CAMSAP3: variants seen among roughly 807,000 people sequenced by gnomAD.
CAMSAP3 encodes the protein calmodulin-regulated spectrin-associated protein 3.
Under a neutral mutation model 112.5 loss-of-function variants are expected in CAMSAP3, and 34 were observed. That is an observed-to-expected ratio of 0.30 (90% CI 0.23 to 0.40). CAMSAP3 has a LOEUF of 0.40. CAMSAP3 is among the 10% of genes least tolerant of loss of function. The pLI is 1.00. For synonymous variants in CAMSAP3, 868 were observed against 799.8 expected (o/e 1.09, Z -1.44); for missense variants, 1,602 against 1,770.3 (o/e 0.90, Z 1.71).
Position 7,611,432 on chromosome 19 carries a change from C to T in CAMSAP3, c.1124-85C>T, listed in dbSNP as rs1321660991. 5.3e-6 allele frequency: 7 copies of T among 1,321,070 alleles called. No individual in the cohort carries two copies. The African/African-American group carries it at 8.9e-5, about 17-fold the overall frequency. 81.8% of individuals were successfully genotyped at this position (1,321,070 alleles called of 1,614,324 possible). ...GAGCCATCAGTGACTCACCCAATGA[C>T]CTTGCAGAGGTTGTCCCCAGATGCT... is the stretch of plus-strand genomic sequence containing the variant. On this transcript the variant is annotated intron_variant, in intron 9 of 16. Coordinates refer to ENST00000160298, the MANE Select transcript of CAMSAP3 (RefSeq NM_020902.2). This position sits in a 1 kb window ranked among gnomAD's most constrained non-coding sequence, Gnocchi z 6.9.
Position 7,611,830 on chromosome 19 carries a change from C to T in CAMSAP3, c.1337C>T (p.Pro446Leu), listed in dbSNP as rs563565082. Residue 446 changes from proline (P) to leucine (L), a missense_variant, in exon 11 of 17, where the codon CCC becomes CTC. By Grantham distance (98) the Pro-to-Leu change is moderately conservative. This residue lies in a region of CAMSAP3 where 1,100 missense variants were observed against 1,135.7 expected (regional missense o/e 0.97). Coordinates refer to ENST00000160298, the MANE Select transcript of CAMSAP3 (RefSeq NM_020902.2). This position sits in a 1 kb window ranked among gnomAD's most constrained non-coding sequence, Gnocchi z 6.9. ...GPPRPAPARTPTQPPPEPGDL... is the reference protein window; with the variant it reads ...GPPRPAPARTLTQPPPEPGDL... The stretch of plus-strand genomic sequence containing the variant: ...CCGCGTCCCGCGCCGGCCAGGACCC[C>T]CACCCAGCCACCCCCGGAGCCTGGT... The T allele has an allele frequency of 3.2e-5, 51 of 1,582,302 alleles. No individual in the cohort carries two copies. The highest frequency in any genetic ancestry group is 3.4e-4 in the Middle Eastern group (2 of 5,912).
At chr19:7,616,435 T>C in intron 13 of CAMSAP3, 88 bp from the exon 14 acceptor site, 1 of 962,878 alleles carries the variant, frequency 1.0e-6, no homozygotes, top group South Asian at 1.3e-5. Flanking sequence ...GACTGACTCC[T>C]CCTGTGTTCC....
At chr19:7,603,234 A>G (rs931367081) in intron 1 of CAMSAP3, among the ~76,000 whole-genome samples, 1 of 148,150 alleles carries the variant, frequency 6.7e-6, no homozygotes, top group Admixed American at 6.8e-5. Context: ...TTTTTTTTTA[A>G]GACAGAGGCT....
rs182723786 is a variant in CAMSAP3, at chr19:7,610,164, A to G, written c.761-312A>G. ...AAACCCCATCTCTACTAAAACCACAAAAAATTAGCCTGGTGTTGTGGCACA... is the reference window on the plus strand; with the variant it reads ...AAACCCCATCTCTACTAAAACCACAGAAAATTAGCCTGGTGTTGTGGCACA... On this transcript the variant is annotated intron_variant, in intron 5 of 16. Coordinates refer to ENST00000160298, the MANE Select transcript of CAMSAP3 (RefSeq NM_020902.2). This position sits in a 1 kb window ranked among gnomAD's most constrained non-coding sequence, Gnocchi z 4.9. Among the ~76,000 whole-genome samples the G allele has an allele frequency of 3.3e-5, 5 of 151,948 alleles. No individual in the cohort carries two copies. In the East Asian group the frequency reaches 7.7e-4, roughly 24 times the overall value.
In CAMSAP3 at chr19:7,612,089, T is replaced by G. The variant is rs1461352839; in HGVS notation, c.1596T>G (p.Cys532Trp). ...HPETPSKPSP[C>W]LVGEASKPPA... is the part of the protein sequence containing the mutation. ...AGACCCCCTCGAAACCATCTCCCTG[T>G]CTGGTGGGGGAGGCATCGAAACCGC... Residue 532 changes from cysteine to tryptophan, a missense_variant, in exon 11 of 17, where the codon TGT (cysteine) becomes TGG (tryptophan). Coordinates refer to ENST00000160298, the MANE Select transcript of CAMSAP3 (RefSeq NM_020902.2). The G allele has an allele frequency of 6.2e-7, 1 of 1,608,680 alleles. No homozygotes were observed. Among genetic ancestry groups the G allele is most frequent in the Non-Finnish European group, 8.5e-7 (1 of 1,176,580 alleles).
In CAMSAP3 at chr19:7,611,825, G is replaced by A. The variant is rs1397385954; in HGVS notation, c.1332G>A (p.Arg444=). Residue 444 remains arginine, a synonymous_variant, in exon 11 of 17, where the codon AGG becomes AGA. Transcript: ENST00000160298. The surrounding 1 kb of genome is among the most constrained non-coding windows in gnomAD (Gnocchi z 6.9). ...SLGPPRPAPA[R]TPTQPPPEPG... The stretch of plus-strand genomic sequence containing the variant: ...GCCCCCCGCGTCCCGCGCCGGCCAG[G>A]ACCCCCACCCAGCCACCCCCGGAGC... 3 of 1,588,212 alleles carry A rather than the reference G, an allele frequency of 1.9e-6. No individual in the cohort carries two copies. The highest frequency in any genetic ancestry group is 2.6e-6 in the Non-Finnish European group (3 of 1,167,668).
rs1454165108 is a variant in CAMSAP3 at position 7,607,195 on chromosome 19, C to T, written c.621+624C>T. On this transcript the variant is annotated intron_variant, in intron 4 of 16. Transcript: ENST00000160298. This position sits in a 1 kb window ranked among gnomAD's most constrained non-coding sequence, Gnocchi z 4.9. ...GGGGGGACCTGCAGCCCATCACAAA[C>T]GTGGATCCTGACCCTAGCAGGCAGG... Among the ~76,000 whole-genome samples the T allele has an allele frequency of 6.6e-6, 1 of 152,148 alleles. No homozygotes were observed. The highest frequency in any genetic ancestry group is 2.4e-5 in the African/African-American group (1 of 41,438).
Position 7,610,819 on chromosome 19 carries a change from G to T in CAMSAP3, c.994+26G>T, listed in dbSNP as rs756955497. The stretch of plus-strand genomic sequence containing the variant: ...GTGAGGCCCTGGGGGCCTGGGGGCC[G>T]GGTCGGGGGCGGGTGGGAGAGCCAA... On this transcript the variant is annotated intron_variant, in intron 7 of 16. Coordinates refer to ENST00000160298, the MANE Select transcript of CAMSAP3 (RefSeq NM_020902.2). This position sits in a 1 kb window ranked among gnomAD's most constrained non-coding sequence, Gnocchi z 4.9. The T allele has an allele frequency of 6.2e-7, 1 of 1,611,148 alleles. No individual in the cohort carries two copies. The highest frequency in any genetic ancestry group is 8.5e-7 in the Non-Finnish European group (1 of 1,179,572).
chr19:7,618,001 C>T lies in CAMSAP3; in HGVS notation c.3694C>T (p.Leu1232Phe), dbSNP rs747512907. ...SVDAFTIQGH[L>F]WQGKKPTTPK... Reference sequence around the variant, plus strand: ...CGATGCCTTCACCATCCAGGGACACCTCTGGCAGGGCAAGAAACCCACCAC... The same window carrying T: ...CGATGCCTTCACCATCCAGGGACACTTCTGGCAGGGCAAGAAACCCACCAC... Residue 1232 changes from leucine (L) to phenylalanine (F), a missense_variant, in exon 17 of 17, where the codon CTC becomes TTC. Leu to Phe is a conservative substitution (Grantham distance 22). Coordinates refer to ENST00000160298, the MANE Select transcript of CAMSAP3 (RefSeq NM_020902.2). 20 of 1,614,032 alleles carry T rather than the reference C, an allele frequency of 1.2e-5. No individual in the cohort carries two copies. The highest frequency in any genetic ancestry group is 3.3e-4 in the Middle Eastern group (2 of 6,082).
chr19:7,612,870 C>T lies in CAMSAP3; in HGVS notation c.2377C>T (p.Pro793Ser). 6.2e-7 allele frequency: 1 copy of T among 1,604,824 alleles called. No individual in the cohort carries two copies. The highest frequency in any genetic ancestry group is 8.5e-7 in the Non-Finnish European group (1 of 1,177,598). ...GCGGCCAGCGGAGCTGCGGCTGGCA[C>T]CCTTGACCAGGGTGCTTACGCCACC... The part of the protein sequence containing the change: ...HTRPAELRLA[P>S]LTRVLTPPHD... Residue 793 changes from proline (P) to serine (S), a missense_variant, in exon 11 of 17, where the codon CCC becomes TCC. Coordinates refer to ENST00000160298, the MANE Select transcript of CAMSAP3 (RefSeq NM_020902.2).
chr19:7,601,320 CT>C (rs146267016), intron 1 of CAMSAP3, among the ~76,000 whole-genome samples: 8,970 of 149,846 alleles, frequency 0.06, 353 homozygotes, highest in Admixed American at 0.088. Context: ...CATTATATTT[CT>C]TTTTTTTTTC....
In CAMSAP3 at chr19:7,596,012, G is replaced by GAC; in HGVS notation, c.10_11insAC (p.Ala4AspfsTer15). The GAC allele has an allele frequency of 8.7e-7, 1 of 1,143,014 alleles. No individual in the cohort carries two copies. The highest frequency in any genetic ancestry group is 1.1e-6 in the Non-Finnish European group (1 of 915,868). 70.8% of individuals were successfully genotyped at this position (1,143,014 alleles called of 1,614,324 possible). Reference sequence around the variant, plus strand: ...CAGCCCCGGCGCCGCCATGGTGGAGGCGGCGCCCCCCGGGCCCGGGCCGCT... The same window carrying GAC: ...CAGCCCCGGCGCCGCCATGGTGGAGGACCGGCGCCCCCCGGGCCCGGGCCGCT... On this transcript the variant is annotated frameshift_variant, in exon 1 of 17. Coordinates refer to ENST00000160298, the MANE Select transcript of CAMSAP3 (RefSeq NM_020902.2). LOFTEE classifies it high-confidence loss of function.
Position 7,611,508 on chromosome 19 carries a change from C to G in CAMSAP3, c.1124-9C>G. 6.2e-7 allele frequency: 1 copy of G among 1,605,150 alleles called. No individual in the cohort carries two copies. On this transcript the variant is annotated splice_polypyrimidine_tract_variant and intron_variant, in intron 9 of 16. Coordinates refer to ENST00000160298, the MANE Select transcript of CAMSAP3 (RefSeq NM_020902.2). This position sits in a 1 kb window ranked among gnomAD's most constrained non-coding sequence, Gnocchi z 6.9. ...GGTCCCCATAGTGACCACTCATCGC[C>G]TCCCCCAGGCTCCCTGAAGTCTTCC...
In CAMSAP3 at chr19:7,617,516, A is replaced by ACCCCCT. The variant is rs758265355; in HGVS notation, c.3326-23_3326-18dup. 1 of 1,380,720 alleles carries ACCCCCT rather than the reference A, an allele frequency of 7.2e-7. No individual in the cohort carries two copies. The highest frequency in any genetic ancestry group is 1.2e-5 in the South Asian group (1 of 86,136). The allele number at this position is 1,380,720 out of a possible 1,614,324, so 85.5% of individuals were successfully genotyped here. On this transcript the variant is annotated intron_variant, in intron 15 of 16. Transcript: ENST00000160298. The surrounding 1 kb of genome is among the most constrained non-coding windows in gnomAD (Gnocchi z 7.5). ...CCCCTGCTCATTCCTGCTGCCCCCC[A>ACCCCCT]CCCCCTCCCACTGCCTCACCCTCTA...
At position 7,611,681 on chromosome 19, in the gene CAMSAP3, GC is replaced by G; in HGVS notation, c.1194-3del. The G allele has an allele frequency of 6.4e-7, 1 of 1,562,378 alleles. No individual in the cohort carries two copies. ...CAGGGGCTGACCCCTCCCTCCGGCC[GC>G]CCAGCCGTCCCCTCTCCCAGGCTGT... On this transcript the variant is annotated splice_polypyrimidine_tract_variant and splice_region_variant and intron_variant, in intron 10 of 16. Transcript: ENST00000160298. The surrounding 1 kb of genome is among the most constrained non-coding windows in gnomAD (Gnocchi z 6.9).
intron 1 of CAMSAP3, among the ~76,000 whole-genome samples, chr19:7,598,289 G>A (rs180751947): frequency 6.6e-5 from 10 of 152,268 alleles, no homozygotes; most frequent in Admixed American, 4.6e-4. Flanking sequence ...GCAAAGGCTC[G>A]GAGTGTGGAC....
chr19:7,614,177 G>A (rs1353121098), intron 11 of CAMSAP3, among the ~76,000 whole-genome samples: 48 of 145,190 alleles, frequency 3.3e-4, no homozygotes, highest in Non-Finnish European at 6.3e-4. Context: ...GGAGAATGGC[G>A]TGAACCCAGG....
chr19:7,596,592 G>A (rs2024448573), intron 1 of CAMSAP3, among the ~76,000 whole-genome samples: 1 of 152,098 alleles, frequency 6.6e-6, no homozygotes, highest in African/African-American at 2.4e-5. Flanking sequence ...ACACCCTGGA[G>A]ACCCAGACCC....
intron 1 of CAMSAP3, among the ~76,000 whole-genome samples, chr19:7,596,567 C>G (rs1214363381): frequency 1.3e-5 from 2 of 152,154 alleles, no homozygotes; most frequent in Middle Eastern, 6.3e-3. Context: ...TCCTCTCGGT[C>G]TCTTCCCCCG....
Sources: gnomAD v4.1 joint callset for allele counts (sites outside exome capture counted in the v4.1 genomes callset) on GRCh38, gnomAD v4.1.1 for gene constraint, gnomAD v4.1.1 regional missense constraint, Gnocchi (gnomAD v3.1) non-coding constraint, MANE v1.5 for transcripts, NCBI Gene and HGNC (gene_info 2026-07-23, HGNC 2026-07-21) for gene names.